EIF5: variants seen among roughly 807,000 people sequenced by gnomAD.
The protein encoded by EIF5 is eukaryotic translation initiation factor 5.
A neutral mutation model predicts 48.3 loss-of-function variants in EIF5; 10 were observed. The observed-to-expected ratio is 0.21, with a 90% CI of 0.13 to 0.35. EIF5 has a LOEUF of 0.35. EIF5 is among the 10% of genes least tolerant of loss of function. The probability of loss-of-function intolerance (pLI) is 1.00; values close to 1 mark genes in which losing one functional copy is unlikely to be tolerated. For synonymous variants in EIF5, 237 were observed against 173.1 expected (o/e 1.37, Z -2.90); for missense variants, 397 against 533.2 (o/e 0.74, Z 2.51).
rs2089383801 is a variant in EIF5 at position 103,343,989 on chromosome 14, CCTGA to C, written c.*2940_*2943del. On this transcript the variant is annotated 3_prime_UTR_variant, in exon 12 of 12. Coordinates refer to ENST00000216554, the MANE Select transcript of EIF5 (RefSeq NM_001969.5). The stretch of plus-strand genomic sequence containing the variant: ...TTTTGATGGTTCAAATTTCAGCCTC[CCTGA>C]CTACTACAAAGCCAGAGCAGTCTTA... 1 of 152,180 alleles carries C rather than the reference CCTGA, an allele frequency of 6.6e-6. No homozygotes were observed. Among genetic ancestry groups the C allele is most frequent in the Non-Finnish European group, 1.5e-5 (1 of 68,036 alleles). The allele number at this position is 152,180 out of a possible 1,614,324, so 9.4% of individuals were successfully genotyped here.
chr14:103,338,585 T>C (rs2089317283), intron 7 of EIF5, 113 bp downstream of exon 7: 5 of 1,491,714 alleles, frequency 3.4e-6, no homozygotes, highest in African/African-American at 2.8e-5. Flanking sequence ...TACACTAATA[T>C]TGTGGATTCC....
At chr14:103,336,214 T>C in intron 4 of EIF5, 97 bp downstream of exon 4, 9 of 1,212,320 alleles carry the variant, frequency 7.4e-6, no homozygotes, top group South Asian at 7.0e-5. Flanking sequence ...GCTAGCTAAT[T>C]ACCTTACAAG....
chr14:103,334,875 C>G (rs1465323029), intron 2 of EIF5: 2 of 152,186 alleles, frequency 1.3e-5, no homozygotes, highest in African/African-American at 4.8e-5. Context: ...GCGGCCCGAT[C>G]CCGGCACCCC....
chr14:103,340,973 C>T lies in EIF5; in HGVS notation c.1217C>T (p.Ser406Leu), dbSNP rs1368901390. 29 of 1,613,834 alleles carry T rather than the reference C, an allele frequency of 1.8e-5. No individual in the cohort carries two copies. The highest frequency in any genetic ancestry group is 5.0e-5 in the Admixed American group (3 of 60,008). Residue 406 changes from serine (S) to leucine (L), a missense_variant, in exon 12 of 12, where the codon TCG becomes TTG. Physicochemically the swap from Ser to Leu is moderately radical, Grantham distance 145 (BLOSUM62 -2). This residue lies in a region of EIF5 where 160 missense variants were observed against 184.8 expected (regional missense o/e 0.87). Coordinates refer to ENST00000216554, the MANE Select transcript of EIF5 (RefSeq NM_001969.5). ...DEDENIEVVY[S>L]KAASVPKVET... Reference sequence around the variant, plus strand: ...CATTCCTCTTAACAGGTGGTGTATTCGAAGGCTGCCAGTGTACCGAAAGTT... The same window carrying T: ...CATTCCTCTTAACAGGTGGTGTATTTGAAGGCTGCCAGTGTACCGAAAGTT...
chr14:103,338,953 T>G, intron 8 of EIF5, 60 bp downstream of exon 8: 2 of 1,575,744 alleles, frequency 1.3e-6, no homozygotes, highest in Non-Finnish European at 1.7e-6. Flanking sequence ...TGCCTTTAGA[T>G]ATATGATACT....
rs2089372477 is a variant in EIF5 at position 103,343,067 on chromosome 14, C to T, written c.*2015C>T. On this transcript the variant is annotated 3_prime_UTR_variant, in exon 12 of 12. Coordinates refer to ENST00000216554, the MANE Select transcript of EIF5 (RefSeq NM_001969.5). ...AAATTCACATAATCTGAACTTTGTT[C>T]ACAGGTTATCCTAATAGAGTAATTC... 6.6e-6 allele frequency: 1 copy of T among 152,620 alleles called. No individual in the cohort carries two copies. The highest frequency in any genetic ancestry group is 2.4e-5 in the African/African-American group (1 of 41,452). 9.5% of individuals were successfully genotyped at this position (152,620 alleles called of 1,614,324 possible).
chr14:103,336,270 C>T, intron 4 of EIF5, 153 bp downstream of exon 4: 1 of 807,716 alleles, frequency 1.2e-6, no homozygotes, highest in South Asian at 1.8e-5. Context: ...GTTTACAAAA[C>T]TACCAGGGGA....
intron 6 of EIF5, chr14:103,338,063 A>C (rs2089309871): frequency 1.7e-6 from 1 of 587,470 alleles, no homozygotes; most frequent in East Asian, 3.2e-5. Context: ...TCCCTAGTGG[A>C]GGCATCATCA....
Position 103,340,531 on chromosome 14 carries a change from C to T in EIF5, c.1176C>T (p.Gly392=), listed in dbSNP as rs146627583. ...AGGCAGAGGAAGAATCTTCTGGTGG[C>T]GAAGAAGAAGATGAAGATGAGAACA... The part of the protein sequence containing the change: ...LKEAEEESSG[G]EEEDEDENIE... The change falls in exon 11 of 12, where the codon GGC becomes GGT. Residue 392 remains glycine, a synonymous_variant. Transcript: ENST00000216554. The T allele has an allele frequency of 9.9e-6, 16 of 1,611,742 alleles. No homozygotes were observed. Among genetic ancestry groups the T allele is most frequent in the African/African-American group, 5.3e-5 (4 of 74,854 alleles).
chr14:103,340,600 GCAT>G, intron 11 of EIF5, 39 bp downstream of exon 11: 1 of 1,581,192 alleles, frequency 6.3e-7, no homozygotes, highest in Non-Finnish European at 8.6e-7. Flanking sequence ...TACAGTGCTG[GCAT>G]GGGTGTTTGA....
At chr14:103,335,193 A>G (rs575592161) in intron 2 of EIF5, 30 of 152,416 alleles carry the variant, frequency 2.0e-4, no homozygotes, top group African/African-American at 7.0e-4. Context: ...GAAGTAAGCC[A>G]TGGTTGCCGA....
chr14:103,340,531 C>CGAAGAA lies in EIF5; in HGVS notation c.1182_1187dup (p.Glu394_Glu395dup), dbSNP rs752768657. 1.9e-6 allele frequency: 3 copies of CGAAGAA among 1,611,742 alleles called. No homozygotes were observed. Among genetic ancestry groups the CGAAGAA allele is most frequent in the Non-Finnish European group, 2.5e-6 (3 of 1,178,316 alleles). ...AGGCAGAGGAAGAATCTTCTGGTGG[C>CGAAGAA]GAAGAAGAAGATGAAGATGAGAACA... On this transcript the variant is annotated inframe_insertion, in exon 11 of 12. Transcript: ENST00000216554.
At chr14:103,338,544 G>A in intron 7 of EIF5, 72 bp downstream of exon 7, 1 of 1,512,150 alleles carries the variant, frequency 6.6e-7, no homozygotes, top group Non-Finnish European at 8.9e-7. Flanking sequence ...TGAGGTGGGT[G>A]GAAATGTTGA....
rs935610586 is a variant in EIF5, at chr14:103,343,166, A to G, written c.*2114A>G. 6 of 152,592 alleles carry G rather than the reference A, an allele frequency of 3.9e-5. No homozygotes were observed. Among genetic ancestry groups the G allele is most frequent in the African/African-American group, 1.2e-4 (5 of 41,420 alleles). The allele number at this position is 152,592 out of a possible 1,614,324, so 9.5% of individuals were successfully genotyped here. On this transcript the variant is annotated 3_prime_UTR_variant, in exon 12 of 12. Transcript: ENST00000216554. ...GTTACTTGATTAAAATAATGATAAA[A>G]TTGTATTTTGTCTTTGCTTTAATAT...
At position 103,339,881 on chromosome 14, in the gene EIF5, C is replaced by CAA. The variant is rs2089332973; in HGVS notation, c.1071+78_1071+79insAA. 1.4e-5 allele frequency: 21 copies of CAA among 1,483,936 alleles called. No individual in the cohort carries two copies. The Admixed American group carries it at 4.7e-4, about 33-fold the overall frequency. The allele number at this position is 1,483,936 out of a possible 1,614,324, so 91.9% of individuals were successfully genotyped here. On this transcript the variant is annotated intron_variant, in intron 10 of 11. Transcript: ENST00000216554. Reference sequence around the variant, plus strand: ...TTGTTTGGTTGATTGTTTTTGGAGACGGAGTCTCATTCTGTTGTCCAGGCA... The same window carrying CAA: ...TTGTTTGGTTGATTGTTTTTGGAGACAAGGAGTCTCATTCTGTTGTCCAGGCA...
At position 103,344,551 on chromosome 14, in the gene EIF5, A is replaced by G. The variant is rs972945483; in HGVS notation, c.*3499A>G. 1 of 152,220 alleles carries G rather than the reference A, an allele frequency of 6.6e-6. No individual in the cohort carries two copies. The highest frequency in any genetic ancestry group is 2.4e-5 in the African/African-American group (1 of 41,430). The allele number at this position is 152,220 out of a possible 1,614,324, so 9.4% of individuals were successfully genotyped here. On this transcript the variant is annotated 3_prime_UTR_variant, in exon 12 of 12. Transcript: ENST00000216554. ...TGTAAAACTAGGGGATTGCCTTTCC[A>G]TATCTGCTGGGGGTGGAGACCCTTA...
chr14:103,337,474 C>G, intron 6 of EIF5: 1 of 472,374 alleles, frequency 2.1e-6, no homozygotes, highest in Non-Finnish European at 3.7e-6. Flanking sequence ...TGGTGGTGTG[C>G]TCCTGTAATC....
In EIF5 at chr14:103,343,900, C is replaced by T. The variant is rs961774564; in HGVS notation, c.*2848C>T. 1 of 152,226 alleles carries T rather than the reference C, an allele frequency of 6.6e-6. No homozygotes were observed. Among genetic ancestry groups the T allele is most frequent in the Non-Finnish European group, 1.5e-5 (1 of 68,050 alleles). 9.4% of individuals were successfully genotyped at this position (152,226 alleles called of 1,614,324 possible). A position where few individuals can be genotyped will look rare whatever the true frequency, so the allele number is the denominator to read the frequency against. The stretch of plus-strand genomic sequence containing the variant: ...CCAGCTATTTTCTTAATTGCTACAG[C>T]TTGACCTACCAGTATTCCGGAGTAA... On this transcript the variant is annotated 3_prime_UTR_variant, in exon 12 of 12. Transcript: ENST00000216554.
At chr14:103,340,687 T>G in intron 11 of EIF5, 126 bp downstream of exon 11, 1 of 1,256,750 alleles carries the variant, frequency 8.0e-7, no homozygotes, top group Non-Finnish European at 1.1e-6. Context: ...TAAGATGCAG[T>G]AAAATACAGC....
Sources: gnomAD v4.1 joint callset for allele counts on GRCh38, gnomAD v4.1.1 for gene constraint, gnomAD v4.1.1 regional missense constraint, MANE v1.5 for transcripts, NCBI Gene and HGNC (gene_info 2026-07-23, HGNC 2026-07-21) for gene names.